JAZF1: variants seen among roughly 807,000 people sequenced by gnomAD.
JAZF1 encodes juxtaposed with another zinc finger protein 1.
Under a neutral mutation model 26.4 loss-of-function variants are expected in JAZF1, and 8 were observed. That is an observed-to-expected ratio of 0.30 (90% CI 0.18 to 0.55). JAZF1 has a LOEUF of 0.55. JAZF1 is among the 20% of genes least tolerant of loss of function. JAZF1 has a pLI of 0.94. For synonymous variants in JAZF1, 126 were observed against 122.3 expected (o/e 1.03, Z -0.20); for missense variants, 199 against 322.0 (o/e 0.62, Z 2.92).
At chr7:27,854,068 T>C (rs978897446) in intron 3 of JAZF1, among the ~76,000 whole-genome samples, 7 of 152,188 alleles carry the variant, frequency 4.6e-5, no homozygotes, top group East Asian at 1.9e-4. Flanking sequence ...TTTGGGTGCG[T>C]ATATATTTAG....
chr7:28,000,598 TTTTCTTTCTTTCTTTC>T (rs149120555), intron 1 of JAZF1, among the ~76,000 whole-genome samples: 1 of 125,926 alleles, frequency 7.9e-6, no homozygotes, highest in Non-Finnish European at 1.7e-5. Flanking sequence ...CCTATTTTCT[TTTTCTTTCTTTCTTTC>T]TTTCTTTCTT....
intron 1 of JAZF1, among the ~76,000 whole-genome samples, chr7:28,056,412 A>G (rs1451355887): frequency 1.3e-5 from 2 of 149,604 alleles, no homozygotes; most frequent in South Asian, 2.1e-4. Flanking sequence ...TGGCAGCTTC[A>G]TTCCTTGAAC....
chr7:28,174,821 G>GTGTGTGTGTGTGT (rs1783524345), intron 1 of JAZF1, among the ~76,000 whole-genome samples: 2 of 107,690 alleles, frequency 1.9e-5, no homozygotes, highest in Admixed American at 1.0e-4. Context: ...GGGGTGTGTG[G>GTGTGTGTGTGTGT]GTGTGTGTGT....
intron 1 of JAZF1, among the ~76,000 whole-genome samples, chr7:28,057,753 T>G (rs1783735480): frequency 6.6e-6 from 1 of 152,200 alleles, no homozygotes; most frequent in East Asian, 1.9e-4. Context: ...CCAAATTTTG[T>G]TCAAAATATT....
chr7:28,067,276 G>A (rs534593905), intron 1 of JAZF1, among the ~76,000 whole-genome samples: 1 of 152,322 alleles, frequency 6.6e-6, no homozygotes, highest in East Asian at 1.9e-4. Flanking sequence ...TGTTGTGAGG[G>A]GGTAAGATCC....
intron 2 of JAZF1, among the ~76,000 whole-genome samples, chr7:27,964,102 TG>T (rs1223597867): frequency 1.3e-5 from 2 of 152,292 alleles, no homozygotes; most frequent in South Asian, 4.1e-4. Context: ...AGTTTTCCCT[TG>T]GAAATGTTTA....
At chr7:28,033,194 G>A (rs1783222505) in intron 1 of JAZF1, among the ~76,000 whole-genome samples, 1 of 152,106 alleles carries the variant, frequency 6.6e-6, no homozygotes. Context: ...GTGAAAATAA[G>A]GAGACTGCAC....
At position 28,158,166 on chromosome 7, in the gene JAZF1, CAA is replaced by C. The variant is rs1491285950; in HGVS notation, c.115+22295_115+22296del. 9.1e-4 allele frequency among the ~76,000 whole-genome samples: 89 copies of C among 97,842 alleles called. 1 individual carries two copies. Among genetic ancestry groups the C allele is most frequent in the African/African-American group, 3.6e-3 (88 of 24,346 alleles). 64.2% of individuals were successfully genotyped at this position (97,842 alleles called of 152,430 possible). A position where few individuals can be genotyped will look rare whatever the true frequency, so the allele number is the denominator to read the frequency against. On this transcript the variant is annotated intron_variant, in intron 1 of 4. Transcript: ENST00000283928. ...ACACGCGCGCACACACACACACACA[CAA>C]ACACACACACACACACACAGAGAGA...
At chr7:27,856,858 G>C (rs1190140151) in intron 3 of JAZF1, among the ~76,000 whole-genome samples, 1 of 152,214 alleles carries the variant, frequency 6.6e-6, no homozygotes, top group African/African-American at 2.4e-5. Context: ...CAAACCCTGA[G>C]CTAGACACAG....
At chr7:27,885,178 C>T (rs1562518479) in intron 3 of JAZF1, among the ~76,000 whole-genome samples, 1 of 152,184 alleles carries the variant, frequency 6.6e-6, no homozygotes, top group Non-Finnish European at 1.5e-5. Flanking sequence ...TGTAAAAGTA[C>T]CCCAAATTGG....
At chr7:28,079,283 C>A (rs1784099874) in intron 1 of JAZF1, among the ~76,000 whole-genome samples, 1 of 152,136 alleles carries the variant, frequency 6.6e-6, no homozygotes, top group Non-Finnish European at 1.5e-5. Context: ...GTGAGCCAAC[C>A]ACACCCGGCC....
intron 1 of JAZF1, among the ~76,000 whole-genome samples, chr7:28,034,229 A>C (rs543127788): frequency 6.6e-6 from 1 of 150,520 alleles, no homozygotes; most frequent in African/African-American, 2.4e-5. Flanking sequence ...AAGTTTAAGT[A>C]GAACCTTACT....
intron 1 of JAZF1, among the ~76,000 whole-genome samples, chr7:28,145,718 T>TA (rs576911852): frequency 0.11 from 16,003 of 146,264 alleles, 985 homozygotes; most frequent in South Asian, 0.21. Flanking sequence ...ACCACCACAA[T>TA]AAAAAAAAAA....
At chr7:27,906,347 G>A (rs1329112045) in intron 2 of JAZF1, among the ~76,000 whole-genome samples, 3 of 152,196 alleles carry the variant, frequency 2.0e-5, no homozygotes, top group Non-Finnish European at 4.4e-5. Context: ...CTGTGGTGTG[G>A]ATAGCACTTA....
At chr7:27,868,223 C>T (rs114586176) in intron 3 of JAZF1, among the ~76,000 whole-genome samples, 113 of 152,324 alleles carry the variant, frequency 7.4e-4, no homozygotes, top group African/African-American at 2.3e-3. Context: ...GGATGAGTCA[C>T]GTTGCTTGCT....
At chr7:27,951,817 G>A (rs142087575) in intron 2 of JAZF1, among the ~76,000 whole-genome samples, 2 of 152,140 alleles carry the variant, frequency 1.3e-5, no homozygotes, top group South Asian at 2.1e-4. Context: ...AGAGAAAGAC[G>A]GCGGGTTCAT....
At chr7:28,142,429 C>T (rs1472060625) in intron 1 of JAZF1, among the ~76,000 whole-genome samples, 5 of 152,158 alleles carry the variant, frequency 3.3e-5, no homozygotes, top group Non-Finnish European at 5.9e-5. Context: ...CCCTGAGGCT[C>T]GCTGAGGAGC....
intron 2 of JAZF1, among the ~76,000 whole-genome samples, chr7:27,985,786 A>C (rs1330924676): frequency 2.0e-5 from 3 of 152,212 alleles, no homozygotes; most frequent in Non-Finnish European, 4.4e-5. Context: ...CTGGGATGCA[A>C]GGCTGGTTCA....
intron 1 of JAZF1, among the ~76,000 whole-genome samples, chr7:28,009,968 G>C (rs1307339563): frequency 6.6e-6 from 1 of 152,130 alleles, no homozygotes; most frequent in Non-Finnish European, 1.5e-5. Context: ...AAGAGATTTA[G>C]GTAAAACATA....
Sources: gnomAD v4.1 joint callset for allele counts (sites outside exome capture counted in the v4.1 genomes callset) on GRCh38, gnomAD v4.1.1 for gene constraint, MANE v1.5 for transcripts, NCBI Gene and HGNC (gene_info 2026-07-23, HGNC 2026-07-21) for gene names.